RAP1GAP2: variants seen among roughly 807,000 people sequenced by gnomAD.
RAP1GAP2 encodes the protein RAP1 GTPase activating protein 2.
A neutral mutation model predicts 95.0 loss-of-function variants in RAP1GAP2; 27 were observed. The ratio of observed to expected loss-of-function variants is 0.28; its 90% CI spans 0.21 to 0.39. The LOEUF (loss-of-function observed/expected upper bound fraction) is 0.39. Among genes scored for constraint, RAP1GAP2 ranks in the 10% least tolerant of loss-of-function variants. The pLI, the probability that RAP1GAP2 is intolerant of heterozygous loss-of-function variation, is 1.00. For missense variants in RAP1GAP2, 771 were observed against 970.0 expected (o/e 0.79, Z 2.72); for synonymous variants, 373 against 380.9 (o/e 0.98, Z 0.24).
chr17:2,912,415 G>C (rs2042418073), intron 3 of RAP1GAP2, among the ~76,000 whole-genome samples: 1 of 152,148 alleles, frequency 6.6e-6, no homozygotes, highest in South Asian at 2.1e-4. Context: ...AGGGAGACTT[G>C]CCCCTCATCA....
chr17:2,782,648 G>T (rs1030546442), intron 1 of RAP1GAP2, among the ~76,000 whole-genome samples: 3 of 152,160 alleles, frequency 2.0e-5, no homozygotes, highest in Admixed American at 2.0e-4. Context: ...ACTACACACT[G>T]TACATGTAAT....
chr17:2,878,709 C>G (rs533118363), intron 2 of RAP1GAP2, among the ~76,000 whole-genome samples: 1 of 152,340 alleles, frequency 6.6e-6, no homozygotes, highest in East Asian at 1.9e-4. Flanking sequence ...GCCAGCCAAC[C>G]CTGGCTCTCT....
chr17:2,843,985 A>G (rs1012879199), intron 2 of RAP1GAP2, among the ~76,000 whole-genome samples: 10 of 152,172 alleles, frequency 6.6e-5, no homozygotes, highest in African/African-American at 2.4e-4. Flanking sequence ...GTTGGGTAAA[A>G]GGAAGATGGC....
chr17:2,921,835 C>T (rs2042791744), intron 3 of RAP1GAP2, among the ~76,000 whole-genome samples: 1 of 152,170 alleles, frequency 6.6e-6, no homozygotes, highest in Non-Finnish European at 1.5e-5. Context: ...CCTGGTGGCT[C>T]CAGGCCGGGG....
At chr17:2,811,858 C>T (rs1385566901) in intron 2 of RAP1GAP2, among the ~76,000 whole-genome samples, 2 of 152,060 alleles carry the variant, frequency 1.3e-5, no homozygotes, top group South Asian at 2.1e-4. Context: ...GGATTACAGG[C>T]GTGAGCCACT....
intron 22 of RAP1GAP2, among the ~76,000 whole-genome samples, chr17:3,030,013 ATGTT>A (rs1197229608): frequency 6.7e-6 from 1 of 149,800 alleles, no homozygotes; most frequent in African/African-American, 2.4e-5. Flanking sequence ...TGATATTACC[ATGTT>A]TGTTAATAAG....
intron 2 of RAP1GAP2, among the ~76,000 whole-genome samples, chr17:2,820,820 C>A (rs1378597705): frequency 6.6e-6 from 1 of 150,408 alleles, no homozygotes; most frequent in East Asian, 2.0e-4. Flanking sequence ...CTCCCGGGTT[C>A]AAGCAATTCT....
intron 2 of RAP1GAP2, among the ~76,000 whole-genome samples, chr17:2,864,935 G>A (rs548836658): frequency 3.3e-5 from 5 of 152,154 alleles, no homozygotes; most frequent in African/African-American, 4.8e-5. Context: ...GTGGATCCCC[G>A]CTCTGGGCCT....
intron 2 of RAP1GAP2, among the ~76,000 whole-genome samples, chr17:2,887,979 A>G (rs2073560225): frequency 6.6e-6 from 1 of 152,040 alleles, no homozygotes; most frequent in African/African-American, 2.4e-5. Flanking sequence ...TGGCCTAACT[A>G]TTATCTCTAC....
chr17:3,016,707 T>C (rs1318456341), intron 17 of RAP1GAP2, among the ~76,000 whole-genome samples: 1 of 150,444 alleles, frequency 6.6e-6, no homozygotes, highest in African/African-American at 2.5e-5. Context: ...GCCACACTTA[T>C]CAGATCATTA....
chr17:2,847,367 G>A (rs2071634034), intron 2 of RAP1GAP2, among the ~76,000 whole-genome samples: 1 of 152,044 alleles, frequency 6.6e-6, no homozygotes, highest in African/African-American at 2.4e-5. Context: ...CTCTAGCTAG[G>A]GTCATTACAG....
At position 2,965,956 on chromosome 17, in the gene RAP1GAP2, G is replaced by A; in HGVS notation, c.596+313G>A. ...GAAGACGGGAAGAAAAGTAGGGATGGTTCAGTGTGACTCATCCTGCTGAGA... is the reference window on the plus strand; with the variant it reads ...GAAGACGGGAAGAAAAGTAGGGATGATTCAGTGTGACTCATCCTGCTGAGA... On this transcript the variant is annotated intron_variant, in intron 8 of 24. Coordinates refer to ENST00000254695, the MANE Select transcript of RAP1GAP2 (RefSeq NM_015085.5). The surrounding 1 kb of genome is among the most constrained non-coding windows in gnomAD (Gnocchi z 4.7). 1 of 354,098 alleles carries A rather than the reference G, an allele frequency of 2.8e-6. No homozygotes were observed. Among genetic ancestry groups the A allele is most frequent in the Admixed American group, 4.4e-5 (1 of 22,938 alleles). The allele number at this position is 354,098 out of a possible 1,614,324, so 21.9% of individuals were successfully genotyped here. A position where few individuals can be genotyped will look rare whatever the true frequency, so the allele number is the denominator to read the frequency against.
chr17:2,760,187 G>A (rs1015213057), intron 1 of RAP1GAP2, among the ~76,000 whole-genome samples: 2 of 151,012 alleles, frequency 1.3e-5, no homozygotes, highest in Non-Finnish European at 3.0e-5. Context: ...CAGCTACTGG[G>A]GAGGCTGAGG....
chr17:2,922,826 G>GTTTTTTTTTTTTTT (rs138075669), intron 3 of RAP1GAP2, among the ~76,000 whole-genome samples: 1 of 93,728 alleles, frequency 1.1e-5, no homozygotes, highest in African/African-American at 6.5e-5. Flanking sequence ...TTTTCTTTTT[G>GTTTTTTTTTTTTTT]TTTTTGTTTT....
intron 2 of RAP1GAP2, among the ~76,000 whole-genome samples, chr17:2,869,673 A>G (rs1466201254): frequency 6.6e-6 from 1 of 152,160 alleles, no homozygotes; most frequent in Non-Finnish European, 1.5e-5. Context: ...GTCCTGCCCA[A>G]GCTCACACCC....
At chr17:2,869,562 A>G (rs1386359355) in intron 2 of RAP1GAP2, among the ~76,000 whole-genome samples, 1 of 152,170 alleles carries the variant, frequency 6.6e-6, no homozygotes, top group Admixed American at 6.6e-5. Context: ...GTGAATGCTC[A>G]GCTGAGTTGG....
intron 14 of RAP1GAP2, among the ~76,000 whole-genome samples, chr17:3,002,897 G>GGT (rs139986156): frequency 2.6e-5 from 4 of 151,648 alleles, no homozygotes; most frequent in East Asian, 3.9e-4. Context: ...GGCGTGCTTG[G>GGT]GTGTGTGTGT....
chr17:2,805,351 C>G (rs543951651), intron 2 of RAP1GAP2, among the ~76,000 whole-genome samples: 1 of 151,992 alleles, frequency 6.6e-6, no homozygotes, highest in African/African-American at 2.4e-5. Flanking sequence ...CGAGACACTC[C>G]TCTTGTCCTT....
intron 3 of RAP1GAP2, among the ~76,000 whole-genome samples, chr17:2,913,910 G>T (rs1405821909): frequency 6.6e-6 from 1 of 150,828 alleles, no homozygotes; most frequent in Non-Finnish European, 1.5e-5. Flanking sequence ...TCGCTCTGTT[G>T]CCCAGGCTGG....
Sources: allele counts gnomAD v4.1 joint callset (sites outside exome capture counted in the v4.1 genomes callset), GRCh38; gene constraint gnomAD v4.1.1; non-coding constraint Gnocchi (gnomAD v3.1); transcripts MANE v1.5; gene names NCBI Gene and HGNC (gene_info 2026-07-23, HGNC 2026-07-21).